Variants in SCN11A observed in about 807,000 individuals in gnomAD.
The protein encoded by SCN11A is sodium voltage-gated channel alpha subunit 11.
A neutral mutation model predicts 162.2 loss-of-function variants in SCN11A; 122 were observed. The observed-to-expected ratio is 0.75, with a 90% CI of 0.65 to 0.87. The LOEUF (loss-of-function observed/expected upper bound fraction) is 0.87, where lower values mean the gene tolerates loss of function less well. Ranked by LOEUF, SCN11A falls within the 40% of genes least tolerant of loss-of-function variation. The probability of loss-of-function intolerance (pLI) is 0.00; values close to 1 mark genes in which losing one functional copy is unlikely to be tolerated. For missense variants in SCN11A, 2,015 were observed against 2,181.6 expected, an observed-to-expected ratio of 0.92 and a Z score of 1.52; for synonymous variants, 758 against 751.5, an observed-to-expected ratio of 1.01 and a Z score of -0.14.
chr3:38,949,307 G>C (rs961149311), intron 5 of SCN11A, among the ~76,000 whole-genome samples: 2 of 152,214 alleles, frequency 1.3e-5, no homozygotes, highest in African/African-American at 4.8e-5. Context: ...GCAGTCATGT[G>C]GGAGCTCAAA....
intron 1 of SCN11A, among the ~76,000 whole-genome samples, chr3:39,042,972 A>AG (rs1329231084): frequency 2.5e-4 from 35 of 141,584 alleles, no homozygotes; most frequent in African/African-American, 5.2e-4. Context: ...AAAAAAAAAA[A>AG]AAAAAAAGAA....
At chr3:38,988,422 C>T (rs2030336912) in intron 2 of SCN11A, among the ~76,000 whole-genome samples, 1 of 152,166 alleles carries the variant, frequency 6.6e-6, no homozygotes, top group Non-Finnish European at 1.5e-5. Context: ...TCCCCCATCC[C>T]TCCTTGTTAC....
chr3:38,995,799 G>GTCTATCTATCTGTCTGTCTGTCTGTCTA lies in SCN11A; in HGVS notation c.-279-35377_-279-35376insTAGACAGACAGACAGACAGATAGATAGA, dbSNP rs774413656. On this transcript the variant is annotated intron_variant, in intron 2 of 29. Transcript: ENST00000302328. ...GTGAGCCAATTTCTCACAATAAATT[G>GTCTATCTATCTGTCTGTCTGTCTGTCTA]TCTATCTATCTATCTATCTGTCTAT... is the stretch of plus-strand genomic sequence containing the variant. Among the ~76,000 whole-genome samples, 360 of 131,452 alleles carry GTCTATCTATCTGTCTGTCTGTCTGTCTA rather than the reference G, an allele frequency of 2.7e-3. 2 individuals carry two copies. The highest frequency in any genetic ancestry group is 8.2e-3 in the African/African-American group (271 of 33,152). The allele number at this position is 131,452 out of a possible 152,430, so 86.2% of individuals were successfully genotyped here.
At chr3:38,878,578 CT>C (rs2065258709) in intron 23 of SCN11A, among the ~76,000 whole-genome samples, 1 of 151,976 alleles carries the variant, frequency 6.6e-6, no homozygotes, top group South Asian at 2.1e-4. Context: ...GTTATTTGCT[CT>C]CTAGAAATTA....
intron 2 of SCN11A, among the ~76,000 whole-genome samples, chr3:38,987,105 C>A (rs992415588): frequency 6.6e-6 from 1 of 152,030 alleles, no homozygotes; most frequent in Non-Finnish European, 1.5e-5. Context: ...GTGACTAATG[C>A]GCAGTAAAAG....
chr3:39,010,121 G>A (rs1018276246), intron 2 of SCN11A, among the ~76,000 whole-genome samples: 1 of 152,034 alleles, frequency 6.6e-6, no homozygotes, highest in African/African-American at 2.4e-5. Context: ...CTTCCATAGT[G>A]AGAAGTCAAC....
chr3:38,965,792 A>G (rs966257566), intron 2 of SCN11A, among the ~76,000 whole-genome samples: 12 of 152,094 alleles, frequency 7.9e-5, no homozygotes, highest in African/African-American at 2.2e-4. Context: ...TTGTGTTCCA[A>G]AGAAAGGGAG....
At chr3:38,918,521 T>C (rs1388077129) in intron 11 of SCN11A, among the ~76,000 whole-genome samples, 2 of 152,154 alleles carry the variant, frequency 1.3e-5, no homozygotes, top group Non-Finnish European at 2.9e-5. Flanking sequence ...GGTAGAACAG[T>C]TTCATTCTAA....
At chr3:38,986,768 AC>A (rs1402422584) in intron 2 of SCN11A, among the ~76,000 whole-genome samples, 1 of 152,154 alleles carries the variant, frequency 6.6e-6, no homozygotes, top group African/African-American at 2.4e-5. Flanking sequence ...CAATACTGAT[AC>A]AACCAAGTGG....
At chr3:38,977,233 A>T (rs2066854971) in intron 2 of SCN11A, among the ~76,000 whole-genome samples, 1 of 152,104 alleles carries the variant, frequency 6.6e-6, no homozygotes, top group South Asian at 2.1e-4. Flanking sequence ...AGCCCTCCTA[A>T]TTTGTCTGAA....
chr3:38,891,394 C>G (rs2065497398), intron 19 of SCN11A, among the ~76,000 whole-genome samples: 2 of 151,852 alleles, frequency 1.3e-5, no homozygotes, highest in Non-Finnish European at 2.9e-5. Context: ...ATAAAAAGAG[C>G]CTCAGAGAAA....
intron 1 of SCN11A, among the ~76,000 whole-genome samples, chr3:39,040,847 G>A (rs2032034147): frequency 6.6e-6 from 1 of 152,144 alleles, no homozygotes; most frequent in African/African-American, 2.4e-5. Context: ...GGGAGGCCGA[G>A]GTGGGCGGAT....
intron 7 of SCN11A, among the ~76,000 whole-genome samples, chr3:38,937,924 T>C (rs1459564603): frequency 6.6e-6 from 1 of 152,102 alleles, no homozygotes; most frequent in African/African-American, 2.4e-5. Flanking sequence ...TAAAGACACA[T>C]GCACACGTAT....
chr3:38,866,387 T>G (rs983602153), intron 27 of SCN11A, among the ~76,000 whole-genome samples: 1 of 152,042 alleles, frequency 6.6e-6, no homozygotes, highest in African/African-American at 2.4e-5. Flanking sequence ...GCTGGTTAAT[T>G]TTTTGTATTT....
chr3:39,015,247 A>T (rs761528760), intron 2 of SCN11A, among the ~76,000 whole-genome samples: 1 of 152,168 alleles, frequency 6.6e-6, no homozygotes, highest in Non-Finnish European at 1.5e-5. Flanking sequence ...ATGTGATAGC[A>T]TAGTAAGAAA....
chr3:38,981,707 A>G (rs940353059), intron 2 of SCN11A, among the ~76,000 whole-genome samples: 3 of 152,108 alleles, frequency 2.0e-5, no homozygotes, highest in African/African-American at 7.2e-5. Flanking sequence ...ATTCCAGTTC[A>G]AAAAACATAA....
At chr3:38,935,478 A>G (rs1393251288) in intron 7 of SCN11A, among the ~76,000 whole-genome samples, 2 of 152,230 alleles carry the variant, frequency 1.3e-5, no homozygotes, top group African/African-American at 4.8e-5. Context: ...ATAGATCCCT[A>G]GCAAGACTAA....
intron 2 of SCN11A, among the ~76,000 whole-genome samples, chr3:38,970,910 C>A (rs1296129950): frequency 6.6e-6 from 1 of 152,180 alleles, no homozygotes; most frequent in Non-Finnish European, 1.5e-5. Context: ...ACTACCTGAT[C>A]TCCCAATCCC....
chr3:39,014,861 G>A (rs2031245380), intron 2 of SCN11A, among the ~76,000 whole-genome samples: 1 of 152,206 alleles, frequency 6.6e-6, no homozygotes, highest in Admixed American at 6.5e-5. Flanking sequence ...CTACCATCAG[G>A]TGGCTGGCTG....
Sources: allele counts gnomAD v4.1 joint callset (sites outside exome capture counted in the v4.1 genomes callset), GRCh38; gene constraint gnomAD v4.1.1; transcripts MANE v1.5; gene names NCBI Gene and HGNC (gene_info 2026-07-23, HGNC 2026-07-21).